SPEN: variants seen among roughly 807,000 people sequenced by gnomAD.
The protein encoded by SPEN is msx2-interacting protein.
In SPEN, 18 loss-of-function variants were observed where a neutral mutation model predicts 269.9. That is an observed-to-expected ratio of 0.07 (90% confidence interval 0.05 to 0.10). The LOEUF (loss-of-function observed/expected upper bound fraction) is 0.10. Ranked by LOEUF, SPEN falls within the 10% of genes least tolerant of loss-of-function variation. The pLI is 1.00. For synonymous variants in SPEN, 1,726 were observed against 1,765.7 expected (o/e 0.98, Z 0.56); for missense variants, 3,822 against 4,631.2 (o/e 0.83, Z 5.07).
intron 1 of SPEN, among the ~76,000 whole-genome samples, chr1:15,861,202 C>T (rs923642750): frequency 6.1e-5 from 9 of 147,644 alleles, no homozygotes; most frequent in South Asian, 4.3e-4. Context: ...GGTGTGGTCT[C>T]GGCTCACTGC....
chr1:15,897,672 A>ATT (rs2070856088), intron 3 of SPEN, among the ~76,000 whole-genome samples: 1 of 150,686 alleles, frequency 6.6e-6, no homozygotes, highest in Non-Finnish European at 1.5e-5. Flanking sequence ...TAATTTTTGT[A>ATT]TTTTTTAGTA....
rs764780375 is a variant in SPEN, at chr1:15,932,343, G to A, written c.6103G>A (p.Glu2035Lys). 1.2e-5 allele frequency: 20 copies of A among 1,613,758 alleles called. No individual in the cohort carries two copies. In the South Asian group the frequency reaches 2.2e-4, roughly 18 times the overall value. ...CTCCATGGAACCCAAGGCTGCTGAG[G>A]AGGAGGCAGGGAGTGAACAGAAACG... ...ESSMEPKAAE[E>K]EAGSEQKRDR... The change falls in exon 11 of 15, where the codon GAG becomes AAG. Residue 2035 changes from glutamate (E) to lysine (K), a missense_variant. By Grantham distance (56) the Glu-to-Lys change is moderately conservative. This residue lies in a region of SPEN where 727 missense variants were observed against 737.9 expected (regional missense o/e 0.99). Coordinates refer to ENST00000375759, the MANE Select transcript of SPEN (RefSeq NM_015001.3). This position sits in a 1 kb window ranked among gnomAD's most constrained non-coding sequence, Gnocchi z 4.2.
chr1:15,909,284 C>T (rs780086344), intron 3 of SPEN, 37 bp from the exon 4 acceptor site: 4 of 1,577,286 alleles, frequency 2.5e-6, no homozygotes, highest in South Asian at 1.2e-5. Context: ...TTCTGTTTGT[C>T]TTTTCACTAA....
Position 15,876,270 on chromosome 1 carries a change from G to T in SPEN, c.473G>T (p.Gly158Val), listed in dbSNP as rs541571514. The T allele has an allele frequency of 6.2e-7, 1 of 1,614,048 alleles. No individual in the cohort carries two copies. Among genetic ancestry groups the T allele is most frequent in the Non-Finnish European group, 8.5e-7 (1 of 1,180,012 alleles). The change falls in exon 3 of 15, where the codon GGA (glycine) becomes GTA (valine). Residue 158 changes from glycine to valine, a missense_variant. Physicochemically the swap from Gly to Val is moderately radical, Grantham distance 109. Transcript: ENST00000375759. ...AYGHHERGTG[G>V]FDRTRHYDQD... ...GGACACCATGAACGGGGGACGGGAG[G>T]ATTTGATCGGACAAGACATTACGAT... is the stretch of plus-strand genomic sequence containing the variant.
intron 2 of SPEN, chr1:15,874,229 C>A (rs1026654467): frequency 1.5e-6 from 2 of 1,366,376 alleles, no homozygotes; most frequent in Non-Finnish European, 2.0e-6. Flanking sequence ...TGTCTGGTCA[C>A]TAAGATTTTT....
intron 11 of SPEN, among the ~76,000 whole-genome samples, chr1:15,936,642 C>CAA (rs60059470): frequency 1.6e-5 from 2 of 123,784 alleles, no homozygotes; most frequent in African/African-American, 6.1e-5. Context: ...GACCCAGTCT[C>CAA]AAAAAAAAAA....
At position 15,937,536 on chromosome 1, in the gene SPEN, C is replaced by T. The variant is rs1206290090; in HGVS notation, c.10400C>T (p.Thr3467Ile). The change falls in exon 12 of 15, where the codon ACC becomes ATC. Residue 3467 changes from threonine (T) to isoleucine (I), a missense_variant. Coordinates refer to ENST00000375759, the MANE Select transcript of SPEN (RefSeq NM_015001.3). The surrounding 1 kb of genome is among the most constrained non-coding windows in gnomAD (Gnocchi z 5.7). ...LFVPTTSGPS[T>I]PPGLVLPHTE... ...GTCCCAACAACCTCTGGCCCCAGCA[C>T]CCCACCAGGACTGGTTCTGCCACAC... 5.0e-6 allele frequency: 8 copies of T among 1,614,142 alleles called. No homozygotes were observed. The highest frequency in any genetic ancestry group is 6.8e-6 in the Non-Finnish European group (8 of 1,180,040).
At chr1:15,897,470 C>A (rs574154295) in intron 3 of SPEN, among the ~76,000 whole-genome samples, 8 of 151,960 alleles carry the variant, frequency 5.3e-5, no homozygotes, top group Non-Finnish European at 1.2e-4. Flanking sequence ...TCAAGCGATT[C>A]TCCTGCTTGT....
At position 15,932,170 on chromosome 1, in the gene SPEN, C is replaced by G; in HGVS notation, c.5930C>G (p.Pro1977Arg). The G allele has an allele frequency of 6.2e-7, 1 of 1,612,342 alleles. No individual in the cohort carries two copies. Among genetic ancestry groups the G allele is most frequent in the Non-Finnish European group, 8.5e-7 (1 of 1,179,336 alleles). The change falls in exon 11 of 15, where the codon CCA (proline) becomes CGA (arginine). Residue 1977 changes from proline to arginine, a missense_variant. Physicochemically the swap from Pro to Arg is moderately radical, Grantham distance 103. This residue lies in a region of SPEN where 533 missense variants were observed against 618.8 expected (regional missense o/e 0.86). Coordinates refer to ENST00000375759, the MANE Select transcript of SPEN (RefSeq NM_015001.3). This position sits in a 1 kb window ranked among gnomAD's most constrained non-coding sequence, Gnocchi z 4.2. ...AAGGAACCTGCAGAAACACTCAAGC[C>G]ACCTGAGGGATGGCGGTCGCCAAGG... ...EAKEPAETLK[P>R]PEGWRSPRSQ... is the part of the protein sequence containing the mutation.
chr1:15,870,933 C>G (rs2148709846), intron 1 of SPEN, among the ~76,000 whole-genome samples: 1 of 152,268 alleles, frequency 6.6e-6, no homozygotes, highest in Non-Finnish European at 1.5e-5. Context: ...TGTCATGAGG[C>G]TAGGGATCTA....
intron 3 of SPEN, among the ~76,000 whole-genome samples, chr1:15,892,851 C>T (rs2070802873): frequency 6.6e-6 from 1 of 152,128 alleles, no homozygotes. Context: ...GTAATCCCAG[C>T]ACTTTAGGAG....
In SPEN at chr1:15,931,442, G is replaced by A; in HGVS notation, c.5202G>A (p.Lys1734=). ...ACCAGCCGCCTTATCTGGATGCCAAGCCTCCAACTCCCGGGGCCTCGTTTT... is the reference window on the plus strand; with the variant it reads ...ACCAGCCGCCTTATCTGGATGCCAAACCTCCAACTCCCGGGGCCTCGTTTT... The part of the protein sequence containing the change: ...SGDQPPYLDA[K]PPTPGASFSQ... Residue 1734 remains lysine (K), a synonymous_variant, in exon 11 of 15, where the codon AAG becomes AAA. Coordinates refer to ENST00000375759, the MANE Select transcript of SPEN (RefSeq NM_015001.3). The surrounding 1 kb of genome is among the most constrained non-coding windows in gnomAD (Gnocchi z 4.8). 1 of 1,614,170 alleles carries A rather than the reference G, an allele frequency of 6.2e-7. No homozygotes were observed. The highest frequency in any genetic ancestry group is 1.6e-4 in the Middle Eastern group (1 of 6,062).
chr1:15,865,391 A>C (rs1291768170), intron 1 of SPEN, among the ~76,000 whole-genome samples: 1 of 145,562 alleles, frequency 6.9e-6, no homozygotes, highest in Non-Finnish European at 1.5e-5. Flanking sequence ...AGTGTGTTTT[A>C]GAAAATCTTC....
intron 10 of SPEN, among the ~76,000 whole-genome samples, 174 bp downstream of exon 10, chr1:15,922,523 A>G (rs2071129262): frequency 6.6e-6 from 1 of 152,080 alleles, no homozygotes; most frequent in Non-Finnish European, 1.5e-5. Context: ...TTTTGAATCT[A>G]GTTTCCAGGT....
At chr1:15,901,554 T>C (rs373959135) in intron 3 of SPEN, among the ~76,000 whole-genome samples, 1 of 149,776 alleles carries the variant, frequency 6.7e-6, no homozygotes, top group African/African-American at 2.5e-5. Context: ...GAAGGCTGAG[T>C]TGGGGGGATC....
At chr1:15,899,550 T>TC (rs1168872951) in intron 3 of SPEN, among the ~76,000 whole-genome samples, 1 of 148,666 alleles carries the variant, frequency 6.7e-6, no homozygotes, top group African/African-American at 2.5e-5. Flanking sequence ...TTTTTTTTTT[T>TC]TTTTTTTTTT....
intron 3 of SPEN, among the ~76,000 whole-genome samples, chr1:15,881,438 G>A (rs976677099): frequency 1.3e-5 from 2 of 152,216 alleles, no homozygotes; most frequent in Non-Finnish European, 2.9e-5. Flanking sequence ...GAGAGACATT[G>A]TATTAAGAAT....
chr1:15,904,910 C>T (rs1304435151), intron 3 of SPEN, among the ~76,000 whole-genome samples: 10 of 145,942 alleles, frequency 6.9e-5, no homozygotes, highest in African/African-American at 2.3e-4. Context: ...TTTTTTGAGA[C>T]GGAGTTTCGC....
chr1:15,870,133 G>A (rs2070558425), intron 1 of SPEN, among the ~76,000 whole-genome samples: 1 of 152,110 alleles, frequency 6.6e-6, no homozygotes, highest in African/African-American at 2.4e-5. Flanking sequence ...GCCTCCCAAA[G>A]TGCTGCGATT....
Sources: gnomAD v4.1 joint callset for allele counts (sites outside exome capture counted in the v4.1 genomes callset) on GRCh38, gnomAD v4.1.1 for gene constraint, gnomAD v4.1.1 regional missense constraint, Gnocchi (gnomAD v3.1) non-coding constraint, MANE v1.5 for transcripts, NCBI Gene and HGNC (gene_info 2026-07-23, HGNC 2026-07-21) for gene names.